NRG1: variants seen among roughly 807,000 people sequenced by gnomAD.
NRG1 encodes neuregulin 1.
In NRG1, 18 loss-of-function variants were observed where a neutral mutation model predicts 63.8. The observed-to-expected ratio is 0.28, with a 90% CI of 0.19 to 0.42. The LOEUF is 0.42. NRG1 is among the 10% of genes least tolerant of loss of function. The pLI is 1.00. For missense variants in NRG1, 762 were observed against 814.7 expected (o/e 0.94, Z 0.79); for synonymous variants, 302 against 301.3 (o/e 1.00, Z -0.02).
At position 32,582,179 on chromosome 8, in the gene NRG1, C is replaced by G. The variant is rs547135974; in HGVS notation, c.101-13649C>G. On this transcript the variant is annotated intron_variant, in intron 1 of 11. Transcript: ENST00000356819. ...GTGGCATGGTTTCAGTTCACTGAAG[C>G]CTAAACCTCCTGGGCTCAAGTGCTC... 7.2e-5 allele frequency among the ~76,000 whole-genome samples: 11 copies of G among 151,884 alleles called. No individual in the cohort carries two copies. The South Asian group carries it at 1.9e-3, about 26-fold the overall frequency.
intron 7 of NRG1, among the ~76,000 whole-genome samples, chr8:32,752,441 A>C (rs1041258582): frequency 1.3e-5 from 2 of 152,114 alleles, no homozygotes; most frequent in African/African-American, 4.8e-5. Flanking sequence ...TACCAACTCA[A>C]TATCTCCTGG....
chr8:32,586,237 T>G (rs953348678), intron 1 of NRG1, among the ~76,000 whole-genome samples: 8 of 140,604 alleles, frequency 5.7e-5, no homozygotes, highest in Non-Finnish European at 1.6e-5. Context: ...ATAAATATAC[T>G]GTAAATAAAA....
At chr8:31,865,128 G>A (rs796776521) in intron 1 of NRG1, among the ~76,000 whole-genome samples, 8 of 152,090 alleles carry the variant, frequency 5.3e-5, no homozygotes, top group African/African-American at 1.9e-4. Context: ...ACCACTGCTG[G>A]CTTTAAGGAG....
intron 1 of NRG1, among the ~76,000 whole-genome samples, chr8:32,002,174 C>T (rs969980778): frequency 6.6e-6 from 1 of 151,936 alleles, no homozygotes; most frequent in Non-Finnish European, 1.5e-5. Flanking sequence ...CAAGCACATG[C>T]CACCACGCCC....
intron 1 of NRG1, among the ~76,000 whole-genome samples, chr8:32,226,114 C>A (rs1007178103): frequency 6.6e-6 from 1 of 152,168 alleles, no homozygotes; most frequent in Non-Finnish European, 1.5e-5. Context: ...AGAGAATCTG[C>A]AGAGAGAATA....
intron 1 of NRG1, among the ~76,000 whole-genome samples, chr8:32,536,921 T>TAAA (rs1832034332): frequency 3.6e-4 from 1 of 2,808 alleles, no homozygotes; most frequent in African/African-American, 3.6e-3. Context: ...AGACTCCGTC[T>TAAA]CAAAAAAAAA....
chr8:31,747,204 T>C (rs184432196), intron 1 of NRG1, among the ~76,000 whole-genome samples: 183 of 152,106 alleles, frequency 1.2e-3, no homozygotes, highest in Non-Finnish European at 1.8e-3. Context: ...GATAAATGCT[T>C]GAGGGGATGG....
chr8:32,580,490 A>C (rs1313809292), intron 1 of NRG1, among the ~76,000 whole-genome samples: 1 of 152,250 alleles, frequency 6.6e-6, no homozygotes, highest in East Asian at 1.9e-4. Context: ...GCAATGTGAC[A>C]CACACTGACT....
At chr8:32,459,475 T>C (rs1440222004) in intron 1 of NRG1, among the ~76,000 whole-genome samples, 1 of 152,064 alleles carries the variant, frequency 6.6e-6, no homozygotes, top group Non-Finnish European at 1.5e-5. Flanking sequence ...AATGATCTCT[T>C]TGATGTATGA....
At chr8:32,480,477 A>G (rs984132530) in intron 1 of NRG1, among the ~76,000 whole-genome samples, 2 of 81,280 alleles carry the variant, frequency 2.5e-5, no homozygotes, top group African/African-American at 8.5e-5. Context: ...CCACAGAAAA[A>G]CAAAAACAAA....
At chr8:32,058,172 C>A (rs1355579365) in intron 1 of NRG1, among the ~76,000 whole-genome samples, 1 of 151,946 alleles carries the variant, frequency 6.6e-6, no homozygotes, top group African/African-American at 2.4e-5. Flanking sequence ...AAGGACCATA[C>A]TTAAACTTGA....
At chr8:32,440,727 C>T (rs1055802510) in intron 1 of NRG1, 3 of 152,136 alleles carry the variant, frequency 2.0e-5, no homozygotes, top group Non-Finnish European at 4.4e-5. Context: ...CTCATCAAGA[C>T]TGTGACTCAG....
At chr8:32,123,640 A>G (rs554631799) in intron 1 of NRG1, among the ~76,000 whole-genome samples, 11 of 148,922 alleles carry the variant, frequency 7.4e-5, no homozygotes, top group African/African-American at 2.2e-4. Flanking sequence ...TTTATATATC[A>G]TAATATATAT....
intron 1 of NRG1, among the ~76,000 whole-genome samples, chr8:31,779,064 C>G (rs769175639): frequency 6.6e-6 from 1 of 152,164 alleles, no homozygotes; most frequent in East Asian, 1.9e-4. Context: ...TGTTGGTACT[C>G]TTCAGGGACA....
At chr8:32,449,488 G>A (rs1044071223) in intron 1 of NRG1, among the ~76,000 whole-genome samples, 10 of 151,404 alleles carry the variant, frequency 6.6e-5, no homozygotes, top group African/African-American at 1.9e-4. Context: ...TATTTCAGGT[G>A]TAAGACTTCT....
chr8:32,658,174 T>G (rs1025683618), intron 5 of NRG1, among the ~76,000 whole-genome samples: 2 of 152,182 alleles, frequency 1.3e-5, no homozygotes, highest in Admixed American at 1.3e-4. Flanking sequence ...CGCTGCCTAT[T>G]TAGTAAACTA....
intron 1 of NRG1, among the ~76,000 whole-genome samples, chr8:31,890,762 C>A (rs1181376511): frequency 6.6e-6 from 1 of 152,216 alleles, no homozygotes; most frequent in Admixed American, 6.5e-5. Flanking sequence ...AGTTTTCAAT[C>A]TGCATCTTGA....
At chr8:32,681,597 G>T (rs767530424) in intron 5 of NRG1, among the ~76,000 whole-genome samples, 5 of 152,110 alleles carry the variant, frequency 3.3e-5, no homozygotes, top group Non-Finnish European at 7.4e-5. Flanking sequence ...ACACAGTGAT[G>T]AATTAATAAT....
chr8:32,146,919 C>T (rs1836927582), intron 1 of NRG1, among the ~76,000 whole-genome samples: 2 of 151,954 alleles, frequency 1.3e-5, no homozygotes, highest in East Asian at 1.9e-4. Context: ...AGGGTATGTA[C>T]CCAAGAAGTA....
Sources: allele counts gnomAD v4.1 joint callset (sites outside exome capture counted in the v4.1 genomes callset), GRCh38; gene constraint gnomAD v4.1.1; transcripts MANE v1.5; gene names NCBI Gene and HGNC (gene_info 2026-07-23, HGNC 2026-07-21).